The following ANKFN1 variants were observed in gnomAD, a reference collection of about 807,000 sequenced individuals.
ANKFN1 encodes the protein ankyrin repeat and fibronectin type III domain containing 1.
ANKFN1 carries 74 observed loss-of-function variants against 108.7 expected under a neutral mutation model. The observed-to-expected ratio is 0.68, with a 90% CI of 0.56 to 0.83. The LOEUF (loss-of-function observed/expected upper bound fraction) is 0.83. Ranked by LOEUF, ANKFN1 falls within the 40% of genes least tolerant of loss-of-function variation. The probability of loss-of-function intolerance (pLI) is 0.00; values close to 1 mark genes in which losing one functional copy is unlikely to be tolerated. For synonymous variants in ANKFN1, 547 were observed against 516.2 expected, an observed-to-expected ratio of 1.06 and a Z score of -0.81; for missense variants, 1,505 against 1,382.3, an observed-to-expected ratio of 1.09 and a Z score of -1.41.
chr17:56,223,176 A>G (rs1916005800), intron 2 of ANKFN1, among the ~76,000 whole-genome samples: 1 of 152,214 alleles, frequency 6.6e-6, no homozygotes, highest in Non-Finnish European at 1.5e-5. Flanking sequence ...ATAAAAGTTT[A>G]TATGCTTATG....
At chr17:56,274,524 C>T (rs909248983) in intron 3 of ANKFN1, among the ~76,000 whole-genome samples, 2 of 152,066 alleles carry the variant, frequency 1.3e-5, no homozygotes, top group African/African-American at 4.8e-5. Context: ...TCTTGCTAAC[C>T]ACATTATTAG....
intron 4 of ANKFN1, among the ~76,000 whole-genome samples, chr17:56,144,297 G>A (rs377528318): frequency 6.6e-6 from 1 of 151,950 alleles, no homozygotes; most frequent in Admixed American, 6.5e-5. Flanking sequence ...GGCTCCATGT[G>A]AAAAATCAAG....
chr17:56,108,724 A>G (rs1905799378), intron 4 of ANKFN1, among the ~76,000 whole-genome samples: 1 of 152,254 alleles, frequency 6.6e-6, no homozygotes, highest in Non-Finnish European at 1.5e-5. Context: ...ATATCTCCAA[A>G]GTACTAGAAT....
At chr17:56,169,171 G>A (rs991298277) in intron 1 of ANKFN1, among the ~76,000 whole-genome samples, 2 of 152,180 alleles carry the variant, frequency 1.3e-5, no homozygotes, top group Non-Finnish European at 2.9e-5. Flanking sequence ...GAAGCTAAAG[G>A]AGAGGCGCAG....
At position 56,331,240 on chromosome 17, in the gene ANKFN1, G is replaced by C. The variant is rs560956986; in HGVS notation, c.188+4885G>C. ...GGGAACAGGAGCAATTTGAGCAACT[G>C]AAAGTTGCCATAAGTTCTATACATG... On this transcript the variant is annotated intron_variant, in intron 4 of 20. Coordinates refer to ENST00000682825, the MANE Select transcript of ANKFN1 (RefSeq NM_001370326.1). 3.3e-5 allele frequency among the ~76,000 whole-genome samples: 5 copies of C among 152,264 alleles called. No homozygotes were observed. The South Asian group carries it at 1.0e-3, about 32-fold the overall frequency.
At chr17:56,292,381 C>T (rs1343735665) in intron 3 of ANKFN1, among the ~76,000 whole-genome samples, 1 of 152,174 alleles carries the variant, frequency 6.6e-6, no homozygotes, top group Non-Finnish European at 1.5e-5. Flanking sequence ...ATGCCATCTC[C>T]TCTTCAGAGA....
intron 18 of ANKFN1, among the ~76,000 whole-genome samples, chr17:56,489,722 A>C (rs576200464): frequency 2.0e-5 from 3 of 152,136 alleles, no homozygotes; most frequent in Admixed American, 6.6e-5. Context: ...GGGAAAAAAA[A>C]CAATTTTTTT....
intron 3 of ANKFN1, among the ~76,000 whole-genome samples, chr17:56,247,693 C>A (rs564618425): frequency 1.3e-5 from 2 of 152,224 alleles, no homozygotes; most frequent in African/African-American, 4.8e-5. Flanking sequence ...AATGGAAGAA[C>A]TAGAATCAAA....
rs1227755458 is a variant in ANKFN1, at chr17:56,231,569, C to CT, written c.53+3618dup. On this transcript the variant is annotated intron_variant, in intron 3 of 20. Transcript: ENST00000682825. ...TAACCTTGTATTCTTTCTCTGTTCA[C>CT]TTTTTTATATCAAAACAGTCCTCTG... Among the ~76,000 whole-genome samples, 4 of 152,134 alleles carry CT rather than the reference C, an allele frequency of 2.6e-5. No homozygotes were observed. The South Asian group carries it at 8.3e-4, about 31-fold the overall frequency.
intron 4 of ANKFN1, among the ~76,000 whole-genome samples, chr17:56,062,664 G>A (rs1904995912): frequency 6.6e-6 from 1 of 150,820 alleles, no homozygotes; most frequent in South Asian, 2.1e-4. Context: ...TGAATACAGT[G>A]CACCAATGGG....
At chr17:56,336,587 C>T (rs2045816208) in intron 4 of ANKFN1, among the ~76,000 whole-genome samples, 1 of 151,974 alleles carries the variant, frequency 6.6e-6, no homozygotes, top group South Asian at 2.1e-4. Flanking sequence ...TTTTTTATTG[C>T]ATCTATTTGA....
At chr17:56,127,399 C>T (rs2143326854) in intron 4 of ANKFN1, among the ~76,000 whole-genome samples, 1 of 152,234 alleles carries the variant, frequency 6.6e-6, no homozygotes, top group South Asian at 2.1e-4. Context: ...CTGCAACCTC[C>T]ACCTCCCAGG....
intron 18 of ANKFN1, among the ~76,000 whole-genome samples, chr17:56,486,489 C>A (rs1388534553): frequency 6.6e-6 from 1 of 152,208 alleles, no homozygotes; most frequent in African/African-American, 2.4e-5. Flanking sequence ...CCCAAGCAAT[C>A]AGAGCTTTCC....
At chr17:56,105,407 C>T (rs749312589) in intron 4 of ANKFN1, among the ~76,000 whole-genome samples, 14 of 152,166 alleles carry the variant, frequency 9.2e-5, no homozygotes, top group Middle Eastern at 3.4e-3. Flanking sequence ...GTGAAATACT[C>T]GGCTTTATGG....
At chr17:56,187,088 A>G (rs930418066) in intron 1 of ANKFN1, among the ~76,000 whole-genome samples, 3 of 152,222 alleles carry the variant, frequency 2.0e-5, no homozygotes, top group African/African-American at 7.2e-5. Context: ...GACAAATGGG[A>G]TCTAATTAAA....
intron 4 of ANKFN1, among the ~76,000 whole-genome samples, chr17:56,335,922 T>A (rs1006084676): frequency 6.6e-6 from 1 of 152,240 alleles, no homozygotes. Context: ...GTTTTTAGCA[T>A]GAAATGCTGT....
intron 3 of ANKFN1, among the ~76,000 whole-genome samples, chr17:56,240,763 A>G (rs1474144567): frequency 6.6e-6 from 1 of 152,060 alleles, no homozygotes; most frequent in Admixed American, 6.6e-5. Flanking sequence ...CCAGTTTTCA[A>G]TTCCCAAATT....
intron 3 of ANKFN1, among the ~76,000 whole-genome samples, chr17:56,266,814 C>T (rs921295305): frequency 9.9e-5 from 15 of 152,194 alleles, no homozygotes; most frequent in East Asian, 1.9e-4. Flanking sequence ...ATTATTTTTC[C>T]GTCTCAATTA....
chr17:56,494,431 T>C (rs1166194591), intron 19 of ANKFN1, among the ~76,000 whole-genome samples: 1 of 151,892 alleles, frequency 6.6e-6, no homozygotes, highest in Non-Finnish European at 1.5e-5. Context: ...ATATAAAGGA[T>C]AGTGGAGCAT....
Sources: allele counts gnomAD v4.1 joint callset (sites outside exome capture counted in the v4.1 genomes callset), GRCh38; gene constraint gnomAD v4.1.1; transcripts MANE v1.5; gene names NCBI Gene and HGNC (gene_info 2026-07-23, HGNC 2026-07-21).